Variants in TSHZ3 observed in about 807,000 individuals in gnomAD.
TSHZ3 encodes teashirt zinc finger homeobox 3.
TSHZ3 carries 10 observed loss-of-function variants against 64.5 expected under a neutral mutation model. That is an observed-to-expected ratio of 0.16 (90% confidence interval 0.10 to 0.26). The LOEUF (loss-of-function observed/expected upper bound fraction) is 0.26, where lower values mean the gene tolerates loss of function less well. Ranked by LOEUF, TSHZ3 falls within the 10% of genes least tolerant of loss-of-function variation. The pLI is 1.00. For synonymous variants in TSHZ3, 608 were observed against 593.1 expected (o/e 1.03, Z -0.36); for missense variants, 1,242 against 1,421.7 (o/e 0.87, Z 2.03).
At chr19:31,180,283 C>A (rs1974692766) in intron 5 of TSHZ3, among the ~76,000 whole-genome samples, 1 of 152,142 alleles carries the variant, frequency 6.6e-6, no homozygotes, top group South Asian at 2.1e-4. Context: ...TCTGTGACTT[C>A]CAGTCCTAGA....
intron 3 of TSHZ3, among the ~76,000 whole-genome samples, chr19:31,242,107 C>T (rs1045019698): frequency 2.0e-5 from 3 of 152,196 alleles, no homozygotes; most frequent in African/African-American, 7.2e-5. Flanking sequence ...TAGCCAGTGA[C>T]TTTCCTCTCA....
chr19:31,306,234 C>T lies in TSHZ3; in HGVS notation c.41-26482G>A, dbSNP rs768298059. Reference sequence around the variant, plus strand: ...TGCGGGGCCTCTCCCAGACAGGTGACGCGGCGGGCTGGGCTGCGAGCTTCC... The same window carrying T: ...TGCGGGGCCTCTCCCAGACAGGTGATGCGGCGGGCTGGGCTGCGAGCTTCC... On this transcript the variant is annotated intron_variant, in intron 1 of 1. Transcript: ENST00000240587. Among the ~76,000 whole-genome samples the T allele has an allele frequency of 5.4e-4, 83 of 152,300 alleles. No individual in the cohort carries two copies. In the Middle Eastern group the frequency reaches 0.01, roughly 19 times the overall value.
chr19:31,206,566 T>C (rs1311361314), intron 4 of TSHZ3, among the ~76,000 whole-genome samples: 1 of 152,216 alleles, frequency 6.6e-6, no homozygotes, highest in African/African-American at 2.4e-5. Context: ...CCTTCAGCTG[T>C]CTTATATTCC....
chr19:31,242,177 T>C (rs1975699634), intron 3 of TSHZ3, among the ~76,000 whole-genome samples: 1 of 152,168 alleles, frequency 6.6e-6, no homozygotes, highest in Admixed American at 6.5e-5. Context: ...AGAAGACAGC[T>C]TTAGTATTAG....
Position 31,316,402 on chromosome 19 carries a change from C to T in TSHZ3, c.40+32778G>A, listed in dbSNP as rs1412015906. Among the ~76,000 whole-genome samples, 7 of 152,152 alleles carry T rather than the reference C, an allele frequency of 4.6e-5. No individual in the cohort carries two copies. The South Asian group carries it at 8.3e-4, about 18-fold the overall frequency. On this transcript the variant is annotated intron_variant, in intron 1 of 1. Coordinates refer to ENST00000240587, the MANE Select transcript of TSHZ3 (RefSeq NM_020856.4). ...CTGTAATTGTTTACCTAATGCTGCT[C>T]GGAGACTCTGGGGAAAAGGCAGGTT...
At position 31,276,746 on chromosome 19, in the gene TSHZ3, C is replaced by T. The variant is rs760442225; in HGVS notation, c.3047G>A (p.Ser1016Asn). ...LSKLSTEQIN[S>N]QIAQTKSPSE... ...CGGTGACTTGGTTTGTGCTATCTGA[C>T]TGTTAATCTGTTCGGTGGACAGTTT... is the stretch of plus-strand genomic sequence containing the variant. The change falls in exon 2 of 2, where the codon AGT becomes AAT. Residue 1016 changes from serine to asparagine, a missense_variant. Physicochemically the swap from Ser to Asn is conservative, Grantham distance 46. Transcript: ENST00000240587. 1 of 1,613,650 alleles carries T rather than the reference C, an allele frequency of 6.2e-7. No homozygotes were observed. The highest frequency in any genetic ancestry group is 8.5e-7 in the Non-Finnish European group (1 of 1,179,594).
chr19:31,189,819 C>T (rs897115727), intron 5 of TSHZ3, among the ~76,000 whole-genome samples: 20 of 152,192 alleles, frequency 1.3e-4, no homozygotes, highest in Middle Eastern at 3.4e-3. Context: ...AATCTCCAGC[C>T]ATAACTGTGA....
intron 1 of TSHZ3, among the ~76,000 whole-genome samples, chr19:31,292,978 C>CAACCAAAA (rs1976597167): frequency 6.6e-6 from 1 of 151,684 alleles, no homozygotes; most frequent in East Asian, 1.9e-4. Context: ...CCCATCCATC[C>CAACCAAAA]ATCCATCCAT....
chr19:31,282,387 A>C (rs890643120), intron 1 of TSHZ3, among the ~76,000 whole-genome samples: 12 of 152,160 alleles, frequency 7.9e-5, no homozygotes, highest in African/African-American at 2.9e-4. Context: ...AAATGGCCCC[A>C]CAGCAGCCAC....
At chr19:31,175,536 T>C (rs950810754) in intron 5 of TSHZ3, among the ~76,000 whole-genome samples, 9 of 152,202 alleles carry the variant, frequency 5.9e-5, no homozygotes, top group Non-Finnish European at 1.0e-4. Flanking sequence ...CTGGTAGAGT[T>C]GAGCCATGTG....
chr19:31,304,577 T>C (rs978275288), intron 1 of TSHZ3, among the ~76,000 whole-genome samples: 3 of 152,242 alleles, frequency 2.0e-5, no homozygotes, highest in African/African-American at 7.2e-5. Flanking sequence ...TTAATCATCA[T>C]AAATTACTTT....
chr19:31,254,190 C>T (rs903388270), intron 1 of TSHZ3, among the ~76,000 whole-genome samples: 1 of 152,184 alleles, frequency 6.6e-6, no homozygotes, highest in Non-Finnish European at 1.5e-5. Flanking sequence ...TGGCAAATAC[C>T]CTGTGGTCTT....
intron 1 of TSHZ3, among the ~76,000 whole-genome samples, chr19:31,323,467 A>G (rs747592954): frequency 2.1e-4 from 32 of 152,360 alleles, no homozygotes; most frequent in Middle Eastern, 3.4e-3. Context: ...ATTTAAGTAG[A>G]AAGACAAAGC....
intron 1 of TSHZ3, among the ~76,000 whole-genome samples, chr19:31,307,542 G>A (rs1470375693): frequency 2.0e-5 from 3 of 152,180 alleles, no homozygotes; most frequent in Non-Finnish European, 4.4e-5. Context: ...ATAAAACCGC[G>A]TGATGAATGG....
chr19:31,334,564 G>T lies in TSHZ3; in HGVS notation c.40+14616C>A, dbSNP rs148413244. Among the ~76,000 whole-genome samples, 75 of 152,326 alleles carry T rather than the reference G, an allele frequency of 4.9e-4. 1 individual carries two copies. In the South Asian group the frequency reaches 0.011, roughly 23 times the overall value. On this transcript the variant is annotated intron_variant, in intron 1 of 1. Coordinates refer to ENST00000240587, the MANE Select transcript of TSHZ3 (RefSeq NM_020856.4). ...CATCCTAAGGCTTCAGGCAAAGCCA[G>T]CAGGGTGGGGGCTGAGCCTGCTTTG...
Position 31,290,628 on chromosome 19 carries a change from C to T in TSHZ3, c.41-10876G>A, listed in dbSNP as rs140400941. On this transcript the variant is annotated intron_variant, in intron 1 of 1. Transcript: ENST00000240587. ...CACCCGGAGTCACCTAGAGACGCTA[C>T]CTAGGATGATGGAGGTCATGGCCTC... Among the ~76,000 whole-genome samples the T allele has an allele frequency of 2.8e-3, 428 of 152,244 alleles. 2 individuals are homozygous for T. Among genetic ancestry groups the T allele is most frequent in the African/African-American group, 9.8e-3 (408 of 41,550 alleles).
intron 1 of TSHZ3, among the ~76,000 whole-genome samples, chr19:31,255,692 A>C (rs1423009057): frequency 6.6e-6 from 1 of 152,130 alleles, no homozygotes; most frequent in African/African-American, 2.4e-5. Context: ...AGCTTGCCCT[A>C]AGACAGGCAG....
chr19:31,323,005 C>G (rs1916818084), intron 1 of TSHZ3, among the ~76,000 whole-genome samples: 1 of 152,118 alleles, frequency 6.6e-6, no homozygotes, highest in African/African-American at 2.4e-5. Flanking sequence ...GTGCTTATTC[C>G]TTTTATTTTC....
At position 31,216,710 on chromosome 19, in the gene TSHZ3, C is replaced by T. The variant is rs531610907; in HGVS notation, n.686+11295G>A. Among the ~76,000 whole-genome samples the T allele has an allele frequency of 3.3e-4, 51 of 152,292 alleles. No individual in the cohort carries two copies. The South Asian group carries it at 0.011, about 32-fold the overall frequency. On this transcript the variant is annotated intron_variant and non_coding_transcript_variant, in intron 4 of 6. Transcript: ENST00000651361. ...GGAGTGCAGTGGTGCGATCTCGGCT[C>T]ACTGCAAGCTCTGCCTCCCGGGTTC... is the stretch of plus-strand genomic sequence containing the variant.
Sources: gnomAD v4.1 joint callset for allele counts (sites outside exome capture counted in the v4.1 genomes callset) on GRCh38, gnomAD v4.1.1 for gene constraint, MANE v1.5 for transcripts, NCBI Gene and HGNC (gene_info 2026-07-23, HGNC 2026-07-21) for gene names.